The following PCDH18 variants were observed in gnomAD, a reference collection of about 807,000 sequenced individuals.
PCDH18 encodes the protein protocadherin-18.
PCDH18 carries 38 observed loss-of-function variants against 71.5 expected under a neutral mutation model. The ratio of observed to expected loss-of-function variants is 0.53; its 90% CI spans 0.41 to 0.70. The LOEUF is 0.70. PCDH18 is among the 30% of genes least tolerant of loss of function. The probability of loss-of-function intolerance (pLI) is 0.00; values close to 1 mark genes in which losing one functional copy is unlikely to be tolerated. For missense variants in PCDH18, 1,334 were observed against 1,384.6 expected, an observed-to-expected ratio of 0.96 and a Z score of 0.58; for synonymous variants, 565 against 505.4, an observed-to-expected ratio of 1.12 and a Z score of -1.58.
rs765176272 is a variant in PCDH18 at position 137,532,103 on chromosome 4, G to C, written c.-15C>G. The C allele has an allele frequency of 6.3e-7, 1 of 1,596,088 alleles. No homozygotes were observed. Among genetic ancestry groups the C allele is most frequent in the Non-Finnish European group, 8.6e-7 (1 of 1,165,978 alleles). ...ATTTGGTGCATTGGTCAGTTTATGA[G>C]ATTTCCCTCACAGAGCAAGTTAAAA... On this transcript the variant is annotated 5_prime_UTR_variant, in exon 1 of 4. It adds an upstream start codon to the 5' untranslated region. Transcript: ENST00000344876.
chr4:137,529,526 T>A (rs551702007), intron 1 of PCDH18, 76 bp downstream of exon 1: 1 of 1,000,914 alleles, frequency 1.0e-6, no homozygotes, highest in South Asian at 1.6e-5. Flanking sequence ...AATGAAAACA[T>A]TTAAGAACTA....
Position 137,519,059 on chromosome 4 carries a change from A to G in PCDH18, c.*1970T>C, listed in dbSNP as rs1413203967. ...AAAGTCTTTTTCTTAATGGTAATAT[A>G]TACTGAAAGGAAGTGAAGTTGAAAG... On this transcript the variant is annotated 3_prime_UTR_variant, in exon 4 of 4. Coordinates refer to ENST00000344876, the MANE Select transcript of PCDH18 (RefSeq NM_019035.5). The G allele has an allele frequency of 6.6e-6, 1 of 152,196 alleles. No homozygotes were observed. The highest frequency in any genetic ancestry group is 1.5e-5 in the Non-Finnish European group (1 of 68,026). The allele number at this position is 152,196 out of a possible 1,614,324, so 9.4% of individuals were successfully genotyped here. A position where few individuals can be genotyped will look rare whatever the true frequency, so the allele number is the denominator to read the frequency against.
chr4:137,530,382 T>A lies in PCDH18; in HGVS notation c.1707A>T (p.Glu569Asp). 1 of 1,614,108 alleles carries A rather than the reference T, an allele frequency of 6.2e-7. No individual in the cohort carries two copies. The highest frequency in any genetic ancestry group is 8.5e-7 in the Non-Finnish European group (1 of 1,179,986). ...CTATAACCACAGGAACGTTGTCATTTTCGTCAATGATGGTGAGCACAACTG... is the reference window on the plus strand; with the variant it reads ...CTATAACCACAGGAACGTTGTCATTATCGTCAATGATGGTGAGCACAACTG... ...NTTVVLTIID[E>D]NDNVPVVIGP... is the part of the protein sequence containing the mutation. Residue 569 changes from glutamate to aspartate, a missense_variant, in exon 1 of 4, where the codon GAA (glutamate) becomes GAT (aspartate). By Grantham distance (45) the Glu-to-Asp change is conservative. Transcript: ENST00000344876.
chr4:137,531,206 C>G lies in PCDH18; in HGVS notation c.883G>C (p.Glu295Gln). Residue 295 changes from glutamate (E) to glutamine (Q), a missense_variant, in exon 1 of 4, where the codon GAG becomes CAG. Coordinates refer to ENST00000344876, the MANE Select transcript of PCDH18 (RefSeq NM_019035.5). Reference protein sequence around the residue: ...FSSHVSPKIMETFKIDSERGH... With the variant: ...FSSHVSPKIMQTFKIDSERGH... ...CTTTCAGAATCAATTTTAAAAGTCT[C>G]CATAATTTTGGGAGACACATGACTG... 1 of 1,611,952 alleles carries G rather than the reference C, an allele frequency of 6.2e-7. No individual in the cohort carries two copies. The highest frequency in any genetic ancestry group is 8.5e-7 in the Non-Finnish European group (1 of 1,178,920).
chr4:137,525,161 T>C (rs749835388), intron 3 of PCDH18, among the ~76,000 whole-genome samples: 14 of 152,106 alleles, frequency 9.2e-5, no homozygotes, highest in Non-Finnish European at 1.9e-4. Flanking sequence ...TGCTTAGTGT[T>C]ATAGTTCAAA....
At chr4:137,527,340 T>C (rs1044018441) in intron 3 of PCDH18, among the ~76,000 whole-genome samples, 13 of 152,192 alleles carry the variant, frequency 8.5e-5, no homozygotes, top group African/African-American at 2.9e-4. Flanking sequence ...ACCTAATAAA[T>C]GTAAATGCTA....
rs754124751 is a variant in PCDH18, at chr4:137,521,357, C to T, written c.3080G>A (p.Ser1027Asn). ...CAGGGAGTTGGACCGATCCACCTCA[C>T]TGCATTCAGAATAGGTGTCCAGGGA... Reference protein sequence around the residue: ...PPSLDTYSECSEVDRSNSLER... With the variant: ...PPSLDTYSECNEVDRSNSLER... Residue 1027 changes from serine (S) to asparagine (N), a missense_variant, in exon 4 of 4, where the codon AGT (serine) becomes AAT (asparagine). Around this residue, in one of 3 missense-constraint regions of PCDH18, gnomAD observed 319 missense variants for 316.3 expected, o/e 1.01. Coordinates refer to ENST00000344876, the MANE Select transcript of PCDH18 (RefSeq NM_019035.5). 2 of 1,614,210 alleles carry T rather than the reference C, an allele frequency of 1.2e-6. No individual in the cohort carries two copies. The highest frequency in any genetic ancestry group is 2.2e-5 in the South Asian group (2 of 91,082).
In PCDH18 at chr4:137,531,198, A is replaced by T. The variant is rs1206556716; in HGVS notation, c.891T>A (p.Phe297Leu). 6.2e-7 allele frequency: 1 copy of T among 1,612,154 alleles called. No homozygotes were observed. Among genetic ancestry groups the T allele is most frequent in the South Asian group, 1.1e-5 (1 of 90,984 alleles). Residue 297 changes from phenylalanine (F) to leucine (L), a missense_variant, in exon 1 of 4, where the codon TTT (phenylalanine) becomes TTA (leucine). Physicochemically the swap from Phe to Leu is conservative, Grantham distance 22. Transcript: ENST00000344876. ...AATGTCCTCTTTCAGAATCAATTTT[A>T]AAAGTCTCCATAATTTTGGGAGACA... is the stretch of plus-strand genomic sequence containing the variant. ...SHVSPKIMET[F>L]KIDSERGHLT...
In PCDH18 at chr4:137,531,738, A is replaced by T. The variant is rs776025090; in HGVS notation, c.351T>A (p.His117Gln). Residue 117 changes from histidine (H) to glutamine (Q), a missense_variant, in exon 1 of 4, where the codon CAT becomes CAA. His to Gln is a conservative substitution (Grantham distance 24). Around this residue, in one of 3 missense-constraint regions of PCDH18, gnomAD observed 1,011 missense variants for 1,048.0 expected, o/e 0.96. Transcript: ENST00000344876. Reference sequence around the variant, plus strand: ...CAACTTCAATATGGAAAAGCTGCAGATGCTCTGTGGGTAGAGTGATCACAT... The same window carrying T: ...CAACTTCAATATGGAAAAGCTGCAGTTGCTCTGTGGGTAGAGTGATCACAT... ...EFDVITLPTE[H>Q]LQLFHIEVEV... The T allele has an allele frequency of 6.2e-7, 1 of 1,614,072 alleles. No homozygotes were observed. The highest frequency in any genetic ancestry group is 8.5e-7 in the Non-Finnish European group (1 of 1,179,958).
chr4:137,523,889 A>T (rs533617817), intron 3 of PCDH18, among the ~76,000 whole-genome samples: 1 of 152,296 alleles, frequency 6.6e-6, no homozygotes, highest in East Asian at 1.9e-4. Flanking sequence ...ATTAACTTAA[A>T]AATGAAAAGT....
chr4:137,521,820 C>T (rs1731312141), intron 3 of PCDH18, 124 bp from the exon 4 acceptor site: 3 of 696,008 alleles, frequency 4.3e-6, no homozygotes, highest in South Asian at 2.0e-5. Context: ...TGATGCCAAC[C>T]TATTATTATA....
At chr4:137,528,098 C>G (rs1168461786) in intron 3 of PCDH18, among the ~76,000 whole-genome samples, 1 of 152,130 alleles carries the variant, frequency 6.6e-6, no homozygotes, top group Non-Finnish European at 1.5e-5. Flanking sequence ...TGCGCCAAAA[C>G]AGTTTAACTG....
chr4:137,525,518 C>G (rs1031847008), intron 3 of PCDH18, among the ~76,000 whole-genome samples: 1 of 152,114 alleles, frequency 6.6e-6, no homozygotes. Flanking sequence ...CCTATTATGC[C>G]TCCAGAAGTT....
Position 137,531,478 on chromosome 4 carries a change from A to G in PCDH18, c.611T>C (p.Leu204Ser). ...GTAGCTTGACTTCAGCTCCCGATCT[A>G]ACTCTCTGACCACTATGAGTTCTGC... ...KYAELIVVRE[L>S]DRELKSSYEL... Residue 204 changes from leucine (L) to serine (S), a missense_variant, in exon 1 of 4, where the codon TTA becomes TCA. This residue lies in a region of PCDH18 where 1,011 missense variants were observed against 1,048.0 expected (regional missense o/e 0.96). Transcript: ENST00000344876. 2 of 1,613,994 alleles carry G rather than the reference A, an allele frequency of 1.2e-6. No homozygotes were observed. The highest frequency in any genetic ancestry group is 1.7e-6 in the Non-Finnish European group (2 of 1,179,958).
chr4:137,531,015 G>A lies in PCDH18; in HGVS notation c.1074C>T (p.Leu358=). Residue 358 remains leucine, a synonymous_variant, in exon 1 of 4, where the codon CTC becomes CTT. Transcript: ENST00000344876. ...NDNKPEININ[L]MSPGKEEISY... ...ATATTTCTTCTTTTCCAGGGGACATGAGGTTGATGTTAATTTCAGGTTTAT... is the reference window on the plus strand; with the variant it reads ...ATATTTCTTCTTTTCCAGGGGACATAAGGTTGATGTTAATTTCAGGTTTAT... 1 of 1,610,378 alleles carries A rather than the reference G, an allele frequency of 6.2e-7. No individual in the cohort carries two copies. Among genetic ancestry groups the A allele is most frequent in the Non-Finnish European group, 8.5e-7 (1 of 1,178,122 alleles).
rs776516858 is a variant in PCDH18 at position 137,528,625 on chromosome 4, T to C, written c.2593A>G (p.Met865Val). The change falls in exon 3 of 4, where the codon ATG becomes GTG. Residue 865 changes from methionine to valine, a missense_variant. Physicochemically the swap from Met to Val is conservative, Grantham distance 21. Transcript: ENST00000344876. ...CTGTCTTTCAAGCTAAATTTGTCCATGTCTTGAAGGGCATATCTGGAAAGA... is the reference window on the plus strand; with the variant it reads ...CTGTCTTTCAAGCTAAATTTGTCCACGTCTTGAAGGGCATATCTGGAAAGA... ...SRSYRYALQD[M>V]DKFSLKDSGR... is the part of the protein sequence containing the mutation. 3 of 1,613,822 alleles carry C rather than the reference T, an allele frequency of 1.9e-6. No individual in the cohort carries two copies. In the African/African-American group the frequency reaches 4.0e-5, roughly 22 times the overall value.
rs1731592282 is a variant in PCDH18 at position 137,529,690 on chromosome 4, T to C, written c.2399A>G (p.Gln800Arg). 2 of 1,613,952 alleles carry C rather than the reference T, an allele frequency of 1.2e-6. No individual in the cohort carries two copies. The highest frequency in any genetic ancestry group is 1.1e-5 in the South Asian group (1 of 91,084). ...GATTGTCACCAAACTGTTGAGTGAC[T>C]GGTGACTGTTGTGACTCTGCCGGCT... ...MGSRQSHNSH[Q>R]SLNSLVTISS... is the part of the protein sequence containing the mutation. Residue 800 changes from glutamine to arginine, a missense_variant, in exon 1 of 4, where the codon CAG (glutamine) becomes CGG (arginine). This residue lies in a region of PCDH18 where 1,011 missense variants were observed against 1,048.0 expected (regional missense o/e 0.96). Coordinates refer to ENST00000344876, the MANE Select transcript of PCDH18 (RefSeq NM_019035.5).
chr4:137,531,231 G>T lies in PCDH18; in HGVS notation c.858C>A (p.Ser286Arg). ...GANGKIVYSF[S>R]SHVSPKIMET... ...CCATAATTTTGGGAGACACATGACT[G>T]CTGAAGGAATATACAATTTTCCCAT... Residue 286 changes from serine to arginine, a missense_variant, in exon 1 of 4, where the codon AGC (serine) becomes AGA (arginine). Ser to Arg is a moderately radical substitution (Grantham distance 110). Coordinates refer to ENST00000344876, the MANE Select transcript of PCDH18 (RefSeq NM_019035.5). The T allele has an allele frequency of 6.2e-7, 1 of 1,613,326 alleles. No homozygotes were observed. The highest frequency in any genetic ancestry group is 8.5e-7 in the Non-Finnish European group (1 of 1,179,528).
At chr4:137,528,942 A>G (rs1731561763) in intron 1 of PCDH18, 122 bp from the exon 2 acceptor site, 2 of 756,876 alleles carry the variant, frequency 2.6e-6, no homozygotes. Flanking sequence ...CTCTCTATTT[A>G]AAAGATTTGC....
Sources: gnomAD v4.1 joint callset for allele counts (sites outside exome capture counted in the v4.1 genomes callset) on GRCh38, gnomAD v4.1.1 for gene constraint, gnomAD v4.1.1 regional missense constraint, MANE v1.5 for transcripts, NCBI Gene and HGNC (gene_info 2026-07-23, HGNC 2026-07-21) for gene names.